Variants in RTEL1 observed in about 807,000 individuals in gnomAD.
The protein encoded by RTEL1 is regulator of telomere length.
RTEL1 carries 86 observed loss-of-function variants against 162.2 expected under a neutral mutation model. That is an observed-to-expected ratio of 0.53 (90% CI 0.45 to 0.63). RTEL1 has a LOEUF of 0.63. Among genes scored for constraint, RTEL1 ranks in the 30% least tolerant of loss-of-function variants. The pLI is 0.00. For missense variants in RTEL1, 1,941 were observed against 1,750.2 expected (o/e 1.11, Z -1.95); for synonymous variants, 958 against 717.9 (o/e 1.33, Z -5.35).
intron 9 of RTEL1, among the ~76,000 whole-genome samples, chr20:63,673,121 C>T (rs746317412): frequency 1.3e-5 from 2 of 151,324 alleles, no homozygotes; most frequent in East Asian, 2.0e-4. Flanking sequence ...TGACTGGGCG[C>T]GCTAGCTCAT....
At position 63,696,221 on chromosome 20, in the gene RTEL1, C is replaced by CT. The variant is rs1421485566; in HGVS notation, c.*364dup. The CT allele has an allele frequency of 2.7e-6, 1 of 365,444 alleles. No homozygotes were observed. The highest frequency in any genetic ancestry group is 5.0e-6 in the Non-Finnish European group (1 of 200,112). The allele number at this position is 365,444 out of a possible 1,614,324, so 22.6% of individuals were successfully genotyped here. On this transcript the variant is annotated 3_prime_UTR_variant, in exon 35 of 35. Coordinates refer to ENST00000360203, the MANE Select transcript of RTEL1 (RefSeq NM_001283009.2). ...ACTTTTAATCAGGGGACAGGGCTCT[C>CT]TAATAAAGCTGCTGGCAGTGCCCAG...
chr20:63,676,757 A>C (rs1273954832), intron 10 of RTEL1, among the ~76,000 whole-genome samples: 2 of 152,154 alleles, frequency 1.3e-5, no homozygotes, highest in Admixed American at 6.5e-5. Flanking sequence ...ACACGGTGAA[A>C]CCCCGTCTCT....
chr20:63,685,528 G>A lies in RTEL1; in HGVS notation c.1197G>A (p.Val399=), dbSNP rs1273061259. ...GCACTTCCTCTGCCTTTCAGATTGT[G>A]TTCAGTGTGGACCCCTCCGAGGGCA... ...LQKLADIIQI[V]FSVDPSEGSP... is the part of the protein sequence containing the mutation. Residue 399 remains valine, a synonymous_variant, in exon 15 of 35, where the codon GTG becomes GTA. Coordinates refer to ENST00000360203, the MANE Select transcript of RTEL1 (RefSeq NM_001283009.2). The A allele has an allele frequency of 6.2e-7, 1 of 1,612,472 alleles. No homozygotes were observed. Among genetic ancestry groups the A allele is most frequent in the Non-Finnish European group, 8.5e-7 (1 of 1,179,866 alleles).
At position 63,681,019 on chromosome 20, in the gene RTEL1, G is replaced by C. The variant is rs555448801; in HGVS notation, c.1191+300G>C. The stretch of plus-strand genomic sequence containing the variant: ...CTGCCCTGTCCGGGCCCTCAGGCCA[G>C]GGGGGACCCACTGCTGGCAGCCCCA... On this transcript the variant is annotated intron_variant, in intron 14 of 34. Coordinates refer to ENST00000360203, the MANE Select transcript of RTEL1 (RefSeq NM_001283009.2). The C allele has an allele frequency of 1.8e-4, 181 of 985,366 alleles. 1 individual carries two copies. In the African/African-American group the frequency reaches 3.0e-3, roughly 16 times the overall value. 61.0% of individuals were successfully genotyped at this position (985,366 alleles called of 1,614,324 possible).
rs2090712121 is a variant in RTEL1, at chr20:63,690,545, G to T, written c.2413+104G>T. 3.6e-6 allele frequency: 5 copies of T among 1,371,482 alleles called. No homozygotes were observed. In the East Asian group the frequency reaches 1.2e-4, roughly 34 times the overall value. 85.0% of individuals were successfully genotyped at this position (1,371,482 alleles called of 1,614,324 possible). A position where few individuals can be genotyped will look rare whatever the true frequency, so the allele number is the denominator to read the frequency against. ...GGGCGGAGGCGACTCACCTGGCTTT[G>T]TGCGCTTCCCCTCCCACCTCCAAAG... On this transcript the variant is annotated intron_variant, in intron 26 of 34. Coordinates refer to ENST00000360203, the MANE Select transcript of RTEL1 (RefSeq NM_001283009.2).
At chr20:63,679,264 C>A (rs924992293) in intron 12 of RTEL1, among the ~76,000 whole-genome samples, 1 of 152,150 alleles carries the variant, frequency 6.6e-6, no homozygotes, top group Non-Finnish European at 1.5e-5. Flanking sequence ...CCGACCTGGT[C>A]GGGGGAATCC....
At chr20:63,675,001 G>T (rs758886751) in intron 10 of RTEL1, among the ~76,000 whole-genome samples, 2 of 151,876 alleles carry the variant, frequency 1.3e-5, no homozygotes, top group Non-Finnish European at 2.9e-5. Context: ...TCCGCCTCCT[G>T]GGTTCAAGCA....
chr20:63,689,675 G>A (rs747775139), intron 23 of RTEL1, 27 bp downstream of exon 23: 63 of 1,607,376 alleles, frequency 3.9e-5, no homozygotes, highest in South Asian at 6.6e-5. Flanking sequence ...TGGGGCTGGG[G>A]TAAGGCGGTC....
At chr20:63,689,479 C>A in intron 22 of RTEL1, 23 bp from the exon 23 acceptor site, 1 of 1,536,122 alleles carries the variant, frequency 6.5e-7, no homozygotes, top group Non-Finnish European at 8.8e-7. Flanking sequence ...CGGCCCCAGG[C>A]AGCTCCCTGG....
chr20:63,691,639 C>A, intron 27 of RTEL1, 103 bp from the exon 28 acceptor site: 1 of 1,010,194 alleles, frequency 9.9e-7, no homozygotes, highest in Non-Finnish European at 1.5e-6. Flanking sequence ...TCCATCTTGG[C>A]TCAGGGCTCC....
intron 14 of RTEL1, among the ~76,000 whole-genome samples, chr20:63,684,145 G>T (rs1568701386): frequency 6.6e-6 from 1 of 152,138 alleles, no homozygotes; most frequent in Non-Finnish European, 1.5e-5. Flanking sequence ...GGAGCTTTGT[G>T]TCTGGGCCTC....
rs893004301 is a variant in RTEL1, at chr20:63,694,374, A to G, written c.2995A>G (p.Arg999Gly). Residue 999 changes from arginine (R) to glycine (G), a missense_variant and splice_region_variant, in exon 31 of 35, where the codon AGA becomes GGA. By Grantham distance (125) the Arg-to-Gly change is moderately radical. Transcript: ENST00000360203. ...RAQPVLDPTG[R>G]TAPDPKLTVS... is the part of the protein sequence containing the mutation. ...GTGGCTCTACATCTCTTCATCAGGAAGAACGGCGCCGGATCCCAAGCTGAC... is the reference window on the plus strand; with the variant it reads ...GTGGCTCTACATCTCTTCATCAGGAGGAACGGCGCCGGATCCCAAGCTGAC... 35 of 1,611,734 alleles carry G rather than the reference A, an allele frequency of 2.2e-5. No individual in the cohort carries two copies. Among genetic ancestry groups the G allele is most frequent in the Non-Finnish European group, 3.0e-5 (35 of 1,179,342 alleles).
At chr20:63,666,118 A>G (rs1242546358) in intron 7 of RTEL1, 39 bp downstream of exon 7, 2 of 1,530,026 alleles carry the variant, frequency 1.3e-6, no homozygotes. Context: ...CTGTCCTTCC[A>G]TGGCCCAGCT....
Position 63,690,274 on chromosome 20 carries a change from C to A in RTEL1, c.2266-20C>A. ...CCAGAGGAGCCAGAAATGGGTCCAC[C>A]CACCCCCATGGTTCTGCAGATGCCA... is the stretch of plus-strand genomic sequence containing the variant. On this transcript the variant is annotated intron_variant, in intron 25 of 34. Transcript: ENST00000360203. 1 of 1,600,926 alleles carries A rather than the reference C, an allele frequency of 6.2e-7. No individual in the cohort carries two copies.
chr20:63,672,684 G>A (rs921053210), intron 9 of RTEL1, 63 bp downstream of exon 9: 29 of 1,395,872 alleles, frequency 2.1e-5, no homozygotes, highest in Non-Finnish European at 2.5e-5. Context: ...CAAGAGCCAC[G>A]CAAACCTTTC....
chr20:63,685,928 CCAT>C, intron 16 of RTEL1, 56 bp downstream of exon 16: 2 of 1,517,862 alleles, frequency 1.3e-6, no homozygotes, highest in Non-Finnish European at 9.1e-7. Context: ...CCCGGCACCA[CCAT>C]GCCACAGGCT....
intron 7 of RTEL1, among the ~76,000 whole-genome samples, chr20:63,667,246 C>T (rs1011459457): frequency 2.6e-5 from 4 of 152,062 alleles, no homozygotes; most frequent in Admixed American, 6.6e-5. Flanking sequence ...TTTACATGGT[C>T]GGAAACTCAC....
intron 30 of RTEL1, among the ~76,000 whole-genome samples, chr20:63,693,929 G>A (rs1174652127): frequency 6.6e-6 from 1 of 150,984 alleles, no homozygotes; most frequent in African/African-American, 2.4e-5. Flanking sequence ...GGGTCCTAGG[G>A]TCCTAGACCC....
intron 4 of RTEL1, 64 bp downstream of exon 4, chr20:63,662,007 A>T: frequency 3.3e-6 from 4 of 1,213,500 alleles, no homozygotes; most frequent in Non-Finnish European, 3.7e-6. Flanking sequence ...CATGGTGCTG[A>T]GTCCACAGCC....
Sources: gnomAD v4.1 joint callset for allele counts (sites outside exome capture counted in the v4.1 genomes callset) on GRCh38, gnomAD v4.1.1 for gene constraint, MANE v1.5 for transcripts, NCBI Gene and HGNC (gene_info 2026-07-23, HGNC 2026-07-21) for gene names.